The following RBFOX1 variants were observed in gnomAD, a reference collection of about 807,000 sequenced individuals.
RBFOX1 encodes RNA binding protein fox-1 homolog 1.
A neutral mutation model predicts 57.7 loss-of-function variants in RBFOX1; 8 were observed. That is an observed-to-expected ratio of 0.14 (90% CI 0.08 to 0.25). The LOEUF (loss-of-function observed/expected upper bound fraction) is 0.25. RBFOX1 is among the 10% of genes least tolerant of loss of function. The pLI is 1.00. For synonymous variants in RBFOX1, 326 were observed against 222.4 expected (o/e 1.47, Z -4.15); for missense variants, 611 against 548.5 (o/e 1.11, Z -1.14).
intron 2 of RBFOX1, among the ~76,000 whole-genome samples, chr16:6,489,801 C>T (rs1046818030): frequency 2.6e-5 from 4 of 152,258 alleles, no homozygotes; most frequent in Middle Eastern, 3.4e-3. Context: ...ATTCTCTCTA[C>T]CATGACCACC....
At chr16:6,739,505 G>T (rs1048729909) in intron 3 of RBFOX1, among the ~76,000 whole-genome samples, 1 of 121,934 alleles carries the variant, frequency 8.2e-6, no homozygotes, top group Non-Finnish European at 1.6e-5. Flanking sequence ...GGGAATCTCC[G>T]GTCTAAATGG....
intron 3 of RBFOX1, among the ~76,000 whole-genome samples, chr16:6,731,223 C>G (rs998874627): frequency 4.6e-5 from 7 of 152,068 alleles, no homozygotes; most frequent in Admixed American, 1.3e-4. Context: ...GGAACTAAAT[C>G]CAGATACTGA....
intron 1 of RBFOX1, among the ~76,000 whole-genome samples, chr16:5,420,296 T>G (rs181960674): frequency 6.6e-6 from 1 of 152,212 alleles, no homozygotes; most frequent in East Asian, 1.9e-4. Flanking sequence ...GTAAGAAAAA[T>G]GGAAACTATT....
chr16:5,563,566 A>G (rs1282790964), intron 2 of RBFOX1, among the ~76,000 whole-genome samples: 1 of 152,176 alleles, frequency 6.6e-6, no homozygotes, highest in African/African-American at 2.4e-5. Flanking sequence ...TGGTCATCAA[A>G]TTTGATGCTG....
chr16:7,457,518 A>G (rs567772213), intron 4 of RBFOX1, among the ~76,000 whole-genome samples: 9 of 152,176 alleles, frequency 5.9e-5, no homozygotes, highest in African/African-American at 2.2e-4. Context: ...AAGTGGTGAG[A>G]TGTTTGGGTT....
At chr16:7,386,857 G>A (rs2148246527) in intron 4 of RBFOX1, among the ~76,000 whole-genome samples, 1 of 152,248 alleles carries the variant, frequency 6.6e-6, no homozygotes, top group South Asian at 2.1e-4. Flanking sequence ...GTGTAAAAGT[G>A]TTCCTATTTC....
chr16:7,694,733 C>A (rs2078257687), intron 14 of RBFOX1, among the ~76,000 whole-genome samples: 1 of 151,880 alleles, frequency 6.6e-6, no homozygotes, highest in Non-Finnish European at 1.5e-5. Context: ...AATGTTCCTG[C>A]AATACAAAAG....
At chr16:6,754,185 T>G (rs2075409558) in intron 3 of RBFOX1, among the ~76,000 whole-genome samples, 10 of 152,174 alleles carry the variant, frequency 6.6e-5, no homozygotes, top group Admixed American at 6.5e-4. Context: ...AACTCAACAC[T>G]CAGGCAGCTA....
At chr16:5,997,305 G>C (rs1356747464) in intron 4 of RBFOX1, among the ~76,000 whole-genome samples, 2 of 152,250 alleles carry the variant, frequency 1.3e-5, no homozygotes, top group African/African-American at 4.8e-5. Flanking sequence ...AAACAGCCCA[G>C]TGTGGCTGCA....
At chr16:5,329,963 A>C (rs1046292040) in intron 1 of RBFOX1, among the ~76,000 whole-genome samples, 8 of 145,032 alleles carry the variant, frequency 5.5e-5, no homozygotes, top group Non-Finnish European at 9.0e-5. Flanking sequence ...AGCCTGGGTG[A>C]CAGAGCGAGA....
At chr16:6,151,994 T>C (rs190909333) in intron 1 of RBFOX1, among the ~76,000 whole-genome samples, 258 of 152,354 alleles carry the variant, frequency 1.7e-3, no homozygotes, top group African/African-American at 6.0e-3. Context: ...GCAATGTGAA[T>C]AGCCATTCCT....
chr16:7,443,497 G>T (rs1451567275), intron 4 of RBFOX1, among the ~76,000 whole-genome samples: 4 of 151,146 alleles, frequency 2.6e-5, no homozygotes, highest in Non-Finnish European at 5.9e-5. Flanking sequence ...GGTAGGCTAA[G>T]AACCTTGAAT....
At chr16:7,266,894 TG>T (rs1204314620) in intron 4 of RBFOX1, among the ~76,000 whole-genome samples, 4 of 151,706 alleles carry the variant, frequency 2.6e-5, no homozygotes, top group African/African-American at 4.8e-5. Flanking sequence ...GTGAGTGGTG[TG>T]GAAGCACTCC....
At chr16:6,937,150 A>G (rs1035842792) in intron 3 of RBFOX1, among the ~76,000 whole-genome samples, 3 of 152,190 alleles carry the variant, frequency 2.0e-5, no homozygotes, top group African/African-American at 7.2e-5. Context: ...TTAAAATGTT[A>G]TCAAAAATGA....
intron 2 of RBFOX1, among the ~76,000 whole-genome samples, chr16:6,581,943 G>A (rs942836468): frequency 3.9e-5 from 6 of 152,172 alleles, no homozygotes; most frequent in Non-Finnish European, 7.3e-5. Context: ...TGAAACCGGG[G>A]CATTTTTGCT....
At chr16:6,242,775 C>A (rs1012111837) in intron 1 of RBFOX1, among the ~76,000 whole-genome samples, 1 of 152,028 alleles carries the variant, frequency 6.6e-6, no homozygotes, top group African/African-American at 2.4e-5. Context: ...CCAGAAGGCA[C>A]CCAGATAATA....
chr16:7,374,486 A>T (rs752939168), intron 4 of RBFOX1, among the ~76,000 whole-genome samples: 22 of 151,994 alleles, frequency 1.4e-4, no homozygotes, highest in Admixed American at 6.6e-5. Flanking sequence ...TATCCAGCAG[A>T]CTCTAGCCTT....
intron 4 of RBFOX1, among the ~76,000 whole-genome samples, chr16:5,911,147 CT>C (rs1379434104): frequency 6.6e-6 from 1 of 152,198 alleles, no homozygotes. Flanking sequence ...GCCTGGGGTG[CT>C]TGGCAGACAT....
chr16:7,117,765 G>A (rs1037353241), intron 4 of RBFOX1, among the ~76,000 whole-genome samples: 2 of 152,126 alleles, frequency 1.3e-5, no homozygotes, highest in Non-Finnish European at 2.9e-5. Flanking sequence ...AAATCTAATA[G>A]ACTGCAGTCA....
Sources: allele counts gnomAD v4.1 joint callset (sites outside exome capture counted in the v4.1 genomes callset), GRCh38; gene constraint gnomAD v4.1.1; transcripts MANE v1.5; gene names NCBI Gene and HGNC (gene_info 2026-07-23, HGNC 2026-07-21).